The following SYNPR variants were observed in gnomAD, a reference collection of about 807,000 sequenced individuals.
SYNPR encodes the protein synaptoporin.
SYNPR carries 23 observed loss-of-function variants against 32.9 expected under a neutral mutation model. That is an observed-to-expected ratio of 0.70 (90% CI 0.50 to 0.99). The LOEUF (loss-of-function observed/expected upper bound fraction) is 0.99, where lower values mean the gene tolerates loss of function less well. Ranked by LOEUF, SYNPR falls within the 50% of genes least tolerant of loss-of-function variation. The pLI, the probability that SYNPR is intolerant of heterozygous loss-of-function variation, is 0.00. For synonymous variants in SYNPR, 146 were observed against 135.9 expected (o/e 1.07, Z -0.52); for missense variants, 318 against 349.3 (o/e 0.91, Z 0.71).
intron 4 of SYNPR, among the ~76,000 whole-genome samples, chr3:63,569,345 T>A (rs1248232915): frequency 1.3e-5 from 2 of 152,146 alleles, no homozygotes; most frequent in African/African-American, 4.8e-5. Context: ...ATTAAATACA[T>A]CCCTAACCTG....
chr3:63,424,325 G>T (rs1194229508), intron 2 of SYNPR, among the ~76,000 whole-genome samples: 1 of 152,038 alleles, frequency 6.6e-6, no homozygotes, highest in Non-Finnish European at 1.5e-5. Flanking sequence ...TCTTGGTGGG[G>T]TGTCATGTAG....
chr3:63,293,593 T>C, intron 2 of SYNPR, among the ~76,000 whole-genome samples: 1 of 152,282 alleles, frequency 6.6e-6, no homozygotes, highest in African/African-American at 2.4e-5. Context: ...CAGAAATGTA[T>C]TTTCTCACAG....
At chr3:63,604,716 G>A (rs896077137) in intron 4 of SYNPR, among the ~76,000 whole-genome samples, 1 of 152,042 alleles carries the variant, frequency 6.6e-6, no homozygotes, top group Non-Finnish European at 1.5e-5. Context: ...TTGTTGATAT[G>A]ATTTTCAAAA....
At chr3:63,385,580 C>T (rs1195906703) in intron 2 of SYNPR, among the ~76,000 whole-genome samples, 1 of 152,194 alleles carries the variant, frequency 6.6e-6, no homozygotes, top group East Asian at 1.9e-4. Context: ...TTTTGCAACT[C>T]TTCCCTTTGG....
At chr3:63,337,552 A>T (rs183628195) in intron 2 of SYNPR, among the ~76,000 whole-genome samples, 1 of 152,304 alleles carries the variant, frequency 6.6e-6, no homozygotes, top group East Asian at 1.9e-4. Context: ...ACACAAATAA[A>T]CTGTCCACTA....
chr3:63,577,027 A>G (rs1192648250), intron 4 of SYNPR, among the ~76,000 whole-genome samples: 1 of 151,994 alleles, frequency 6.6e-6, no homozygotes, highest in Non-Finnish European at 1.5e-5. Flanking sequence ...GAGGGGGCAA[A>G]TCTCACTGAA....
At chr3:63,441,206 T>C (rs1700163707) in intron 2 of SYNPR, among the ~76,000 whole-genome samples, 1 of 152,192 alleles carries the variant, frequency 6.6e-6, no homozygotes, top group Admixed American at 6.5e-5. Flanking sequence ...TTTGTAAGGC[T>C]CAAATAAAAT....
At chr3:63,603,730 G>C (rs1398146552) in intron 4 of SYNPR, among the ~76,000 whole-genome samples, 2 of 152,156 alleles carry the variant, frequency 1.3e-5, no homozygotes, top group African/African-American at 4.8e-5. Flanking sequence ...TTGATGTGCT[G>C]CTGGATTCAG....
chr3:63,607,881 C>T (rs1229923052), intron 4 of SYNPR, among the ~76,000 whole-genome samples: 1 of 152,078 alleles, frequency 6.6e-6, no homozygotes, highest in Non-Finnish European at 1.5e-5. Flanking sequence ...TCAGCCACAC[C>T]ATGAGAGCAA....
chr3:63,244,656 T>G (rs2086271586), intron 1 of SYNPR, among the ~76,000 whole-genome samples: 3 of 152,244 alleles, frequency 2.0e-5, no homozygotes, highest in African/African-American at 4.8e-5. Context: ...AAGGCACTGC[T>G]TCTTTCCAAT....
intron 2 of SYNPR, among the ~76,000 whole-genome samples, chr3:63,263,931 T>C (rs1030495673): frequency 6.6e-6 from 1 of 152,158 alleles, no homozygotes; most frequent in African/African-American, 2.4e-5. Context: ...GGGGCCGTGT[T>C]TCAAAACTGC....
the SYNPR span, among the ~76,000 whole-genome samples, chr3:63,220,292 G>T: frequency 2.0e-5 from 3 of 152,190 alleles, no homozygotes; most frequent in African/African-American, 7.2e-5. Flanking sequence ...TGCAGATAGT[G>T]ATATCAGGAC....
chr3:63,257,949 C>T (rs192304682), intron 2 of SYNPR, among the ~76,000 whole-genome samples: 1 of 152,050 alleles, frequency 6.6e-6, no homozygotes, highest in Non-Finnish European at 1.5e-5. Context: ...TACTTTAAAC[C>T]AACAAAGATC....
chr3:63,591,154 A>G (rs1431135109), intron 4 of SYNPR, among the ~76,000 whole-genome samples: 1 of 150,384 alleles, frequency 6.6e-6, no homozygotes, highest in Non-Finnish European at 1.5e-5. Flanking sequence ...AAGGACATGA[A>G]CAGACACTTC....
intron 2 of SYNPR, among the ~76,000 whole-genome samples, chr3:63,427,099 A>G (rs1699906013): frequency 6.6e-6 from 1 of 151,770 alleles, no homozygotes; most frequent in Non-Finnish European, 1.5e-5. Flanking sequence ...GTCTCAAGCT[A>G]CTTGTTTGAA....
Position 63,285,227 on chromosome 3 carries a change from T to C in SYNPR, c.84+6485T>C, listed in dbSNP as rs534951469. Among the ~76,000 whole-genome samples, 12 of 152,368 alleles carry C rather than the reference T, an allele frequency of 7.9e-5. No individual in the cohort carries two copies. The South Asian group carries it at 1.9e-3, about 24-fold the overall frequency. ...CAACAGACATCAACTGTCTTTTATA[T>C]TTGGCTTCTATTTTCTGTTAGTTAT... On this transcript the variant is annotated intron_variant, in intron 2 of 5. Coordinates refer to ENST00000478300, the MANE Select transcript of SYNPR (RefSeq NM_001130003.2).
intron 3 of SYNPR, among the ~76,000 whole-genome samples, chr3:63,528,792 C>G (rs896856233): frequency 1.3e-5 from 2 of 152,114 alleles, no homozygotes; most frequent in African/African-American, 4.8e-5. Context: ...ACCAGAGACA[C>G]CCACAGAGAG....
chr3:63,310,979 C>T (rs909890150), intron 2 of SYNPR, among the ~76,000 whole-genome samples: 14 of 141,420 alleles, frequency 9.9e-5, no homozygotes, highest in Non-Finnish European at 2.2e-4. Flanking sequence ...AACTTAAAAC[C>T]ACTCAGAAAA....
At chr3:63,356,421 A>G (rs1387700176) in intron 2 of SYNPR, among the ~76,000 whole-genome samples, 2 of 152,238 alleles carry the variant, frequency 1.3e-5, no homozygotes, top group African/African-American at 4.8e-5. Flanking sequence ...CAGTATGGTA[A>G]GTGCTTCACA....
Sources: allele counts gnomAD v4.1 joint callset (sites outside exome capture counted in the v4.1 genomes callset), GRCh38; gene constraint gnomAD v4.1.1; transcripts MANE v1.5; gene names NCBI Gene and HGNC (gene_info 2026-07-23, HGNC 2026-07-21).